The following USP42 variants were observed in gnomAD, a reference collection of about 807,000 sequenced individuals.
USP42 encodes the protein ubiquitin specific peptidase 42, also known as ubiquitin carboxyl-terminal hydrolase 42.
USP42 carries 23 observed loss-of-function variants against 113.0 expected under a neutral mutation model. That is an observed-to-expected ratio of 0.20 (90% CI 0.15 to 0.29). USP42 has a LOEUF of 0.29. Ranked by LOEUF, USP42 falls within the 10% of genes least tolerant of loss-of-function variation. The pLI, the probability that USP42 is intolerant of heterozygous loss-of-function variation, is 1.00. For missense variants in USP42, 2,174 were observed against 1,779.8 expected (o/e 1.22, Z -3.99); for synonymous variants, 933 against 699.0 (o/e 1.33, Z -5.28).
upstream of USP42, among the ~76,000 whole-genome samples, chr7:6,103,603 C>G (rs1790207517): frequency 6.7e-6 from 1 of 150,358 alleles, no homozygotes; most frequent in Non-Finnish European, 1.5e-5. Flanking sequence ...GTCAGGCGGA[C>G]TTGAAGGCTG....
intron 3 of USP42, among the ~76,000 whole-genome samples, chr7:6,122,334 G>A (rs1780272994): frequency 6.6e-6 from 1 of 150,420 alleles, no homozygotes; most frequent in Admixed American, 6.6e-5. Flanking sequence ...TGCCTAGGCT[G>A]GAGTGCAGTG....
chr7:6,119,820 C>T (rs1436569771), intron 3 of USP42, among the ~76,000 whole-genome samples: 3 of 152,106 alleles, frequency 2.0e-5, no homozygotes, highest in African/African-American at 7.2e-5. Context: ...CCCCTTGCCT[C>T]AGCCTCATGA....
the USP42 span, among the ~76,000 whole-genome samples, chr7:6,095,851 C>A: frequency 1.3e-5 from 2 of 150,948 alleles, no homozygotes. Context: ...CAGTCTACAC[C>A]TCCCAGGCTC....
intron 14 of USP42, among the ~76,000 whole-genome samples, chr7:6,151,282 A>G (rs1289348866): frequency 1.3e-5 from 2 of 152,366 alleles, no homozygotes; most frequent in African/African-American, 2.4e-5. Flanking sequence ...GCCGCACTCA[A>G]TTTGTTAAAA....
intron 6 of USP42, among the ~76,000 whole-genome samples, chr7:6,140,542 TTTG>T (rs1324477242): frequency 1.3e-5 from 2 of 152,190 alleles, no homozygotes; most frequent in Admixed American, 6.5e-5. Context: ...TTGTTTGTGT[TTTG>T]TTGTTGTTCA....
intron 2 of USP42, 81 bp downstream of exon 2, chr7:6,111,455 CTTA>C: frequency 6.5e-7 from 1 of 1,528,534 alleles, no homozygotes; most frequent in Non-Finnish European, 8.8e-7. Flanking sequence ...CAGAGAGGGG[CTTA>C]TTTTGCAAGG....
the USP42 span, among the ~76,000 whole-genome samples, chr7:6,086,783 A>T: frequency 1.4e-5 from 2 of 147,802 alleles, no homozygotes; most frequent in Non-Finnish European, 3.0e-5. Context: ...CTGGAATGCA[A>T]TGGCGCGGTC....
chr7:6,159,387 AG>A lies in USP42; in HGVS notation c.3944-62del. 11 of 1,611,578 alleles carry A rather than the reference AG, an allele frequency of 6.8e-6. No homozygotes were observed. Among genetic ancestry groups the A allele is most frequent in the Non-Finnish European group, 9.3e-6 (11 of 1,178,296 alleles). On this transcript the variant is annotated intron_variant, in intron 16 of 17. Coordinates refer to ENST00000306177, the MANE Select transcript of USP42 (RefSeq NM_032172.3). This position sits in a 1 kb window ranked among gnomAD's most constrained non-coding sequence, Gnocchi z 4.1. ...CCATAGCCACTTAACGCACACACAC[AG>A]CAGAGGCCCTGGCGATTTTGCAACC...
chr7:6,147,789 C>G lies in USP42; in HGVS notation c.1283C>G (p.Pro428Arg). ...GGELTHPTHS[P>R]GQSSPRPVIS... ...GAACTTACTCATCCCACCCATAGCCCCGGCCAGTCCTCTCCCCGCCCCGTC... is the reference window on the plus strand; with the variant it reads ...GAACTTACTCATCCCACCCATAGCCGCGGCCAGTCCTCTCCCCGCCCCGTC... The change falls in exon 12 of 18, where the codon CCC becomes CGC. Residue 428 changes from proline (P) to arginine (R), a missense_variant. By Grantham distance (103) the Pro-to-Arg change is moderately radical. Coordinates refer to ENST00000306177, the MANE Select transcript of USP42 (RefSeq NM_032172.3). 1 of 1,610,246 alleles carries G rather than the reference C, an allele frequency of 6.2e-7. No homozygotes were observed. Among genetic ancestry groups the G allele is most frequent in the South Asian group, 1.1e-5 (1 of 90,720 alleles).
Position 6,157,637 on chromosome 7 carries a change from G to C in USP42, c.3943+582G>C, listed in dbSNP as rs1237001842. 6.6e-6 allele frequency among the ~76,000 whole-genome samples: 1 copy of C among 152,148 alleles called. No homozygotes were observed. Among genetic ancestry groups the C allele is most frequent in the Admixed American group, 6.6e-5 (1 of 15,256 alleles). On this transcript the variant is annotated intron_variant, in intron 16 of 17. Transcript: ENST00000306177. The surrounding 1 kb of genome is among the most constrained non-coding windows in gnomAD (Gnocchi z 4.1). ...GGTCTCGAGAACTCTTGGTTTTAAA[G>C]CATTTTTGATAGAAATACTTTTGCA... is the stretch of plus-strand genomic sequence containing the variant.
At chr7:6,143,585 T>A (rs1356050994) in intron 8 of USP42, among the ~76,000 whole-genome samples, 2 of 152,134 alleles carry the variant, frequency 1.3e-5, no homozygotes, top group Non-Finnish European at 2.9e-5. Context: ...ATAGAAGTAA[T>A]TTTTTTATTG....
At chr7:6,118,810 A>G (rs1236580243) in intron 3 of USP42, among the ~76,000 whole-genome samples, 1 of 152,158 alleles carries the variant, frequency 6.6e-6, no homozygotes, top group East Asian at 1.9e-4. Context: ...TAGACAGAAG[A>G]AAAAAAATCA....
In USP42 at chr7:6,140,942, A is replaced by G. The variant is rs546216572; in HGVS notation, c.753A>G (p.Ser251=). The G allele has an allele frequency of 1.2e-5, 18 of 1,563,292 alleles. No individual in the cohort carries two copies. In the South Asian group the frequency reaches 2.2e-4, roughly 19 times the overall value. ...RVKCLNCKGV[S]DTFDPYLDIT... is the part of the protein sequence containing the mutation. ...AATGTTTAAATTGCAAGGGCGTTTC[A>G]GATACTTTTGATCCATATCTTGATA... Residue 251 remains serine, a synonymous_variant, in exon 7 of 18, where the codon TCA becomes TCG. Transcript: ENST00000306177.
At chr7:6,102,019 G>A (rs1032209822), upstream of USP42, among the ~76,000 whole-genome samples, 6 of 150,416 alleles carry the variant, frequency 4.0e-5, no homozygotes, top group African/African-American at 1.5e-4. Context: ...GTTGCAGTGA[G>A]CCGAGACTGT....
the USP42 span, among the ~76,000 whole-genome samples, chr7:6,092,003 T>C: frequency 2.5e-5 from 2 of 79,740 alleles, no homozygotes; most frequent in Non-Finnish European, 5.9e-5. Flanking sequence ...CTTCTTCTTC[T>C]TCTTCTTCTT....
intron 3 of USP42, among the ~76,000 whole-genome samples, chr7:6,126,579 C>T (rs73058634): frequency 1.3e-5 from 2 of 152,132 alleles, no homozygotes; most frequent in Non-Finnish European, 2.9e-5. Flanking sequence ...GCCACTGTGC[C>T]GGCCTGATAA....
At chr7:6,147,425 C>T (rs934386208) in intron 11 of USP42, among the ~76,000 whole-genome samples, 4 of 152,102 alleles carry the variant, frequency 2.6e-5, no homozygotes, top group Non-Finnish European at 4.4e-5. Context: ...GCCTGGGCGA[C>T]GCAGCAAGAC....
chr7:6,113,467 C>T (rs1380325476), intron 2 of USP42, among the ~76,000 whole-genome samples: 1 of 152,152 alleles, frequency 6.6e-6, no homozygotes, highest in South Asian at 2.1e-4. Context: ...GCTCTCATCT[C>T]ATTCTCCACA....
At position 6,154,981 on chromosome 7, in the gene USP42, G is replaced by A; in HGVS notation, c.3427G>A (p.Asp1143Asn). Residue 1143 changes from aspartate (D) to asparagine (N), a missense_variant, in exon 15 of 18, where the codon GAC becomes AAC. Coordinates refer to ENST00000306177, the MANE Select transcript of USP42 (RefSeq NM_032172.3). ...CGACAGAACTGCACTTGTAGCCGGA[G>A]ACAACTGTAACCTCTCTGATCGGTT... Reference protein sequence around the residue: ...SHDRTALVAGDNCNLSDRFHE... With the variant: ...SHDRTALVAGNNCNLSDRFHE... 6.4e-7 allele frequency: 1 copy of A among 1,563,094 alleles called. No individual in the cohort carries two copies. Among genetic ancestry groups the A allele is most frequent in the Non-Finnish European group, 8.7e-7 (1 of 1,153,348 alleles).
Sources: allele counts gnomAD v4.1 joint callset (sites outside exome capture counted in the v4.1 genomes callset), GRCh38; gene constraint gnomAD v4.1.1; non-coding constraint Gnocchi (gnomAD v3.1); transcripts MANE v1.5; gene names NCBI Gene and HGNC (gene_info 2026-07-23, HGNC 2026-07-21).